ERC2: variants seen among roughly 807,000 people sequenced by gnomAD.
ERC2 encodes the protein ELKS/RAB6-interacting/CAST family member 2.
ERC2 carries 42 observed loss-of-function variants against 114.8 expected under a neutral mutation model. That is an observed-to-expected ratio of 0.37 (90% CI 0.29 to 0.47). The LOEUF is 0.47. ERC2 is among the 20% of genes least tolerant of loss of function. The pLI is 0.99. For missense variants in ERC2, 939 were observed against 1,150.7 expected (o/e 0.82, Z 2.66); for synonymous variants, 454 against 425.5 (o/e 1.07, Z -0.82).
intron 7 of ERC2, among the ~76,000 whole-genome samples, chr3:56,064,540 A>G (rs1235747210): frequency 6.6e-6 from 1 of 152,236 alleles, no homozygotes; most frequent in Non-Finnish European, 1.5e-5. Flanking sequence ...TTCAGACTTT[A>G]TTCACAAAAA....
chr3:55,808,065 G>T (rs2059558302), intron 14 of ERC2, among the ~76,000 whole-genome samples: 1 of 152,216 alleles, frequency 6.6e-6, no homozygotes, highest in East Asian at 1.9e-4. Context: ...AAAATTCAAG[G>T]TTTATAGAAA....
At chr3:55,626,304 GACTTGGT>G (rs1490489804) in intron 17 of ERC2, among the ~76,000 whole-genome samples, 1 of 152,184 alleles carries the variant, frequency 6.6e-6, no homozygotes, top group African/African-American at 2.4e-5. Context: ...TCAGGCAAAT[GACTTGGT>G]ACTGATCAGC....
chr3:56,404,351 T>C (rs1033011091), intron 2 of ERC2, among the ~76,000 whole-genome samples: 1 of 152,196 alleles, frequency 6.6e-6, no homozygotes, highest in Non-Finnish European at 1.5e-5. Context: ...CGTATTGCCC[T>C]CATCATGCAT....
intron 3 of ERC2, among the ~76,000 whole-genome samples, chr3:56,291,484 C>T (rs1175287961): frequency 6.6e-6 from 1 of 152,136 alleles, no homozygotes; most frequent in Admixed American, 6.5e-5. Flanking sequence ...TAAAGCAACC[C>T]ACCCCATATG....
chr3:55,808,043 C>A (rs578093360), intron 14 of ERC2, among the ~76,000 whole-genome samples: 1 of 152,088 alleles, frequency 6.6e-6, no homozygotes, highest in Non-Finnish European at 1.5e-5. Flanking sequence ...TTGGAGACAT[C>A]GTCATCATTT....
intron 17 of ERC2, among the ~76,000 whole-genome samples, chr3:55,679,724 G>A (rs985121920): frequency 3.3e-5 from 5 of 152,252 alleles, no homozygotes; most frequent in Non-Finnish European, 7.3e-5. Flanking sequence ...AAAAGCAGCA[G>A]TAGCTACCCC....
intron 14 of ERC2, among the ~76,000 whole-genome samples, chr3:55,830,287 G>C (rs1381758375): frequency 6.6e-6 from 1 of 152,152 alleles, no homozygotes; most frequent in Non-Finnish European, 1.5e-5. Context: ...CAAATTCAGA[G>C]AATTTATCAA....
chr3:55,584,536 C>T (rs1473768146), intron 17 of ERC2, among the ~76,000 whole-genome samples: 1 of 152,096 alleles, frequency 6.6e-6, no homozygotes, highest in Non-Finnish European at 1.5e-5. Flanking sequence ...TCACACCTCT[C>T]CTACCTTCCC....
Position 56,061,039 on chromosome 3 carries a change from T to C in ERC2, c.1641+19778A>G, listed in dbSNP as rs138041572. On this transcript the variant is annotated intron_variant, in intron 7 of 17. Transcript: ENST00000288221. ...TTGCCTGCTCAATTCTTCCCAGCCATGGTCTTTATCTTGAGGAATTCAAGT... is the reference window on the plus strand; with the variant it reads ...TTGCCTGCTCAATTCTTCCCAGCCACGGTCTTTATCTTGAGGAATTCAAGT... Among the ~76,000 whole-genome samples, 6 of 152,326 alleles carry C rather than the reference T, an allele frequency of 3.9e-5. No individual in the cohort carries two copies. The East Asian group carries it at 9.6e-4, about 24-fold the overall frequency.
intron 17 of ERC2, among the ~76,000 whole-genome samples, chr3:55,676,931 G>A (rs746875840): frequency 6.6e-5 from 10 of 152,272 alleles, no homozygotes; most frequent in Non-Finnish European, 5.9e-5. Context: ...CAGGTCCTCA[G>A]AGTGTGGTCA....
chr3:55,836,997 T>G (rs535388946), intron 14 of ERC2, among the ~76,000 whole-genome samples: 1 of 152,184 alleles, frequency 6.6e-6, no homozygotes, highest in Admixed American at 6.5e-5. Context: ...AAAACACACA[T>G]GAAAAAATGC....
chr3:56,138,219 C>T (rs1010517152), intron 6 of ERC2, among the ~76,000 whole-genome samples: 1 of 152,024 alleles, frequency 6.6e-6, no homozygotes, highest in Admixed American at 6.6e-5. Flanking sequence ...GCCACCACGC[C>T]CAGCTAATTT....
At chr3:56,353,690 G>T (rs1333954616) in intron 2 of ERC2, among the ~76,000 whole-genome samples, 1 of 150,322 alleles carries the variant, frequency 6.7e-6, no homozygotes, top group East Asian at 2.0e-4. Flanking sequence ...AGCATTAGGA[G>T]GTATACCTAA....
At chr3:56,181,154 A>G (rs2083266888) in intron 3 of ERC2, among the ~76,000 whole-genome samples, 1 of 152,228 alleles carries the variant, frequency 6.6e-6, no homozygotes, top group Admixed American at 6.5e-5. Flanking sequence ...CATTACAAAC[A>G]GTGTTTCAAT....
intron 3 of ERC2, among the ~76,000 whole-genome samples, chr3:56,289,776 A>T (rs1307018421): frequency 6.6e-6 from 1 of 152,174 alleles, no homozygotes; most frequent in Admixed American, 6.5e-5. Flanking sequence ...CAGCATTTGG[A>T]TGCCATTCAA....
At chr3:56,302,852 A>G (rs1194911920) in intron 2 of ERC2, among the ~76,000 whole-genome samples, 1 of 152,210 alleles carries the variant, frequency 6.6e-6, no homozygotes. Context: ...GCACATCAGG[A>G]CAGAGACCTT....
intron 2 of ERC2, among the ~76,000 whole-genome samples, chr3:56,411,134 AGAC>A (rs1162610065): frequency 6.6e-6 from 1 of 151,032 alleles, no homozygotes; most frequent in African/African-American, 2.4e-5. Flanking sequence ...CCCAAGCAGA[AGAC>A]TGTTGAGTTT....
intron 3 of ERC2, among the ~76,000 whole-genome samples, chr3:56,193,267 A>G (rs2047900705): frequency 6.6e-6 from 1 of 152,196 alleles, no homozygotes; most frequent in Admixed American, 6.5e-5. Context: ...TACTCCCAGC[A>G]CTTTGGGAGG....
chr3:55,609,054 A>C (rs894451881), intron 17 of ERC2, among the ~76,000 whole-genome samples: 1 of 152,186 alleles, frequency 6.6e-6, no homozygotes, highest in African/African-American at 2.4e-5. Context: ...GATTACTTCC[A>C]TGTTGCAGAC....
Sources: allele counts gnomAD v4.1 joint callset (sites outside exome capture counted in the v4.1 genomes callset), GRCh38; gene constraint gnomAD v4.1.1; transcripts MANE v1.5; gene names NCBI Gene and HGNC (gene_info 2026-07-23, HGNC 2026-07-21).